Variants in CYYR1 observed in about 807,000 individuals in gnomAD.
CYYR1 encodes the protein cysteine and tyrosine-rich protein 1.
In CYYR1, 14 loss-of-function variants were observed where a neutral mutation model predicts 15.2. That is an observed-to-expected ratio of 0.92 (90% CI 0.61 to 1.44). The LOEUF (loss-of-function observed/expected upper bound fraction) is 1.44. CYYR1 is among the 40% of genes most tolerant of loss of function. The probability of loss-of-function intolerance (pLI) is 0.00; values close to 1 mark genes in which losing one functional copy is unlikely to be tolerated. For missense variants in CYYR1, 228 were observed against 209.5 expected (o/e 1.09, Z -0.54); for synonymous variants, 80 against 77.4 (o/e 1.03, Z -0.18).
intron 2 of CYYR1, among the ~76,000 whole-genome samples, chr21:26,513,748 A>G (rs1409101727): frequency 6.6e-6 from 1 of 152,084 alleles, no homozygotes; most frequent in African/African-American, 2.4e-5. Flanking sequence ...CAGGGCTCTA[A>G]AAGGGCGACT....
chr21:26,509,147 C>G (rs764342928), intron 2 of CYYR1, among the ~76,000 whole-genome samples: 15 of 152,266 alleles, frequency 9.9e-5, no homozygotes, highest in Non-Finnish European at 8.8e-5. Flanking sequence ...CATGATATGC[C>G]TTGTTCTCCT....
intron 2 of CYYR1, among the ~76,000 whole-genome samples, chr21:26,492,423 G>C (rs1269966970): frequency 6.6e-6 from 1 of 152,156 alleles, no homozygotes; most frequent in Non-Finnish European, 1.5e-5. Flanking sequence ...GAGGTGCTCA[G>C]TTTAGTAGCA....
rs569039808 is a variant in CYYR1, at chr21:26,467,845, C to G, written c.*656G>C. 2 of 153,734 alleles carry G rather than the reference C, an allele frequency of 1.3e-5. No homozygotes were observed. The highest frequency in any genetic ancestry group is 3.8e-4 in the East Asian group (2 of 5,202). 9.5% of individuals were successfully genotyped at this position (153,734 alleles called of 1,614,324 possible). On this transcript the variant is annotated 3_prime_UTR_variant, in exon 4 of 4. Transcript: ENST00000652641. The stretch of plus-strand genomic sequence containing the variant: ...ATTCACTTCACACCCACCTAAAATA[C>G]GAGCAGAACTTCTGAGGCCCAATGA...
chr21:26,515,044 T>C (rs1193753182), intron 2 of CYYR1, among the ~76,000 whole-genome samples: 1 of 152,254 alleles, frequency 6.6e-6, no homozygotes, highest in Non-Finnish European at 1.5e-5. Context: ...TGTTTTCTCT[T>C]GTAAGTTAAA....
intron 2 of CYYR1, among the ~76,000 whole-genome samples, chr21:26,490,571 A>G (rs780496465): frequency 6.6e-6 from 1 of 152,214 alleles, no homozygotes. Flanking sequence ...AGAGAATAGT[A>G]GTAATTTCTT....
At chr21:26,481,857 A>G (rs1466735769) in intron 2 of CYYR1, among the ~76,000 whole-genome samples, 1 of 152,054 alleles carries the variant, frequency 6.6e-6, no homozygotes, top group African/African-American at 2.4e-5. Flanking sequence ...AAGTATTAAC[A>G]GGATACTACC....
chr21:26,539,701 A>C (rs1192000289), intron 2 of CYYR1, among the ~76,000 whole-genome samples: 1 of 152,160 alleles, frequency 6.6e-6, no homozygotes, highest in Non-Finnish European at 1.5e-5. Flanking sequence ...AACAGTTCCC[A>C]GTGGTTAAAC....
intron 2 of CYYR1, among the ~76,000 whole-genome samples, chr21:26,501,268 T>C (rs1403633145): frequency 1.3e-5 from 2 of 152,182 alleles, no homozygotes; most frequent in African/African-American, 2.4e-5. Flanking sequence ...AACCGGGAGT[T>C]GGAGGTTGCA....
At chr21:26,523,509 G>A (rs1471751872) in intron 2 of CYYR1, among the ~76,000 whole-genome samples, 2 of 152,140 alleles carry the variant, frequency 1.3e-5, no homozygotes, top group Non-Finnish European at 2.9e-5. Flanking sequence ...CCTCTGCATT[G>A]CGGTCTGCCG....
intron 3 of CYYR1, among the ~76,000 whole-genome samples, chr21:26,474,051 T>G (rs1027650311): frequency 4.1e-5 from 6 of 145,970 alleles, no homozygotes; most frequent in African/African-American, 1.3e-4. Context: ...TGTTTTCGTT[T>G]TTTTTTTTTT....
At chr21:26,560,663 C>T (rs1754933105) in intron 2 of CYYR1, among the ~76,000 whole-genome samples, 1 of 152,096 alleles carries the variant, frequency 6.6e-6, no homozygotes, top group Non-Finnish European at 1.5e-5. Flanking sequence ...AATTGCTTTT[C>T]CTTTTAAAAC....
At chr21:26,566,162 GA>G in intron 2 of CYYR1, 103 bp downstream of exon 2, 3 of 773,458 alleles carry the variant, frequency 3.9e-6, no homozygotes. Flanking sequence ...AACCAATCTT[GA>G]AATCTCTTGC....
intron 3 of CYYR1, among the ~76,000 whole-genome samples, chr21:26,474,492 G>A (rs1453832782): frequency 6.8e-6 from 1 of 146,002 alleles, no homozygotes; most frequent in Non-Finnish European, 1.5e-5. Context: ...TCCTGCCTTA[G>A]CCTCAGTAGT....
At chr21:26,525,269 T>C (rs1052354679) in intron 2 of CYYR1, among the ~76,000 whole-genome samples, 2 of 152,246 alleles carry the variant, frequency 1.3e-5, no homozygotes, top group Non-Finnish European at 1.5e-5. Context: ...TCTACCTTTA[T>C]GTCTTTAAGA....
chr21:26,527,219 C>A (rs911267605), intron 2 of CYYR1, among the ~76,000 whole-genome samples: 9 of 152,182 alleles, frequency 5.9e-5, no homozygotes, highest in African/African-American at 2.2e-4. Context: ...CAGTTTCCCT[C>A]TTGCTTTCTC....
At chr21:26,520,025 A>G (rs2065781327) in intron 2 of CYYR1, among the ~76,000 whole-genome samples, 1 of 151,486 alleles carries the variant, frequency 6.6e-6, no homozygotes, top group Admixed American at 6.6e-5. Context: ...TGTGGTATAT[A>G]TACACCATGG....
At chr21:26,543,394 T>C (rs1488577892) in intron 2 of CYYR1, among the ~76,000 whole-genome samples, 1 of 152,104 alleles carries the variant, frequency 6.6e-6, no homozygotes, top group Non-Finnish European at 1.5e-5. Context: ...GACAGTAAAA[T>C]AATCTTTTTC....
intron 2 of CYYR1, among the ~76,000 whole-genome samples, chr21:26,548,716 T>A (rs772370323): frequency 5.3e-5 from 8 of 152,202 alleles, no homozygotes; most frequent in Non-Finnish European, 1.2e-4. Context: ...TGAGGGATAA[T>A]TAATAATAAT....
chr21:26,518,496 T>G (rs915186498), intron 2 of CYYR1: 2 of 152,386 alleles, frequency 1.3e-5, no homozygotes, highest in Non-Finnish European at 2.9e-5. Context: ...GCCTCCTGCC[T>G]TCTGCCTTGG....
Sources: allele counts gnomAD v4.1 joint callset (sites outside exome capture counted in the v4.1 genomes callset), GRCh38; gene constraint gnomAD v4.1.1; transcripts MANE v1.5; gene names NCBI Gene and HGNC (gene_info 2026-07-23, HGNC 2026-07-21).